Variants in CAMTA2 observed in about 807,000 individuals in gnomAD.
CAMTA2 encodes calmodulin-binding transcription activator 2.
In CAMTA2, 56 loss-of-function variants were observed where a neutral mutation model predicts 135.7. The ratio of observed to expected loss-of-function variants is 0.41; its 90% CI spans 0.33 to 0.52. The LOEUF (loss-of-function observed/expected upper bound fraction) is 0.52, where lower values mean the gene tolerates loss of function less well. CAMTA2 is among the 20% of genes least tolerant of loss of function. The pLI, the probability that CAMTA2 is intolerant of heterozygous loss-of-function variation, is 0.16. For missense variants in CAMTA2, 1,358 were observed against 1,553.4 expected (o/e 0.87, Z 2.11); for synonymous variants, 591 against 604.6 (o/e 0.98, Z 0.33).
chr17:4,975,996 A>G (rs1972590286), intron 11 of CAMTA2, among the ~76,000 whole-genome samples: 1 of 152,218 alleles, frequency 6.6e-6, no homozygotes, highest in Non-Finnish European at 1.5e-5. Flanking sequence ...GAGAAGTAGT[A>G]GTATAGGAAA....
At position 4,969,784 on chromosome 17, in the gene CAMTA2, T is replaced by C; in HGVS notation, c.3190-83A>G. Reference sequence around the variant, plus strand: ...CCCTTCAACTTTCCTGGGGTTCCCCTGACCCTTTACCCCATCCAAGGCCTG... The same window carrying C: ...CCCTTCAACTTTCCTGGGGTTCCCCCGACCCTTTACCCCATCCAAGGCCTG... On this transcript the variant is annotated intron_variant, in intron 18 of 22. Transcript: ENST00000348066. This position sits in a 1 kb window ranked among gnomAD's most constrained non-coding sequence, Gnocchi z 5.6. The C allele has an allele frequency of 6.3e-7, 1 of 1,596,288 alleles. No individual in the cohort carries two copies. The highest frequency in any genetic ancestry group is 2.2e-5 in the East Asian group (1 of 44,760).
At position 4,977,125 on chromosome 17, in the gene CAMTA2, G is replaced by A. The variant is rs1157841726; in HGVS notation, c.1833C>T (p.Leu611=). 1.2e-6 allele frequency: 2 copies of A among 1,614,096 alleles called. No homozygotes were observed. The highest frequency in any genetic ancestry group is 1.7e-5 in the Admixed American group (1 of 60,020). ...GGAATCGGCGGGCTCGATACTCAAA[G>A]AGCACAGAAGCAGAAAGGGGCCCCT... ...GREGPLSASV[L]FEYRARRFLS... The change falls in exon 11 of 23, where the codon CTC becomes CTT. Residue 611 remains leucine (L), a synonymous_variant. Transcript: ENST00000348066.
rs923868313 is a variant in CAMTA2, at chr17:4,972,591, C to G, written c.2504-55G>C. 7.1e-6 allele frequency: 11 copies of G among 1,554,816 alleles called. No homozygotes were observed. In the Admixed American group the frequency reaches 1.7e-4, roughly 23 times the overall value. On this transcript the variant is annotated intron_variant, in intron 15 of 22. Transcript: ENST00000348066. ...GCCGGAGCCACGGCCATCCCTCGCT[C>G]AAGTCTCCTGCCTTCCCCATCCTGT...
Position 4,986,711 on chromosome 17 carries a change from G to T in CAMTA2, c.-64-425C>A. 3 of 553,882 alleles carry T rather than the reference G, an allele frequency of 5.4e-6. No homozygotes were observed. The South Asian group carries it at 6.6e-5, about 12-fold the overall frequency. The allele number at this position is 553,882 out of a possible 1,614,324, so 34.3% of individuals were successfully genotyped here. A position where few individuals can be genotyped will look rare whatever the true frequency, so the allele number is the denominator to read the frequency against. On this transcript the variant is annotated intron_variant, in intron 1 of 22. Coordinates refer to ENST00000348066, the MANE Select transcript of CAMTA2 (RefSeq NM_015099.4). ...GCAGGAGATTCTACCTCCGGTAGAA[G>T]CTAGGCCTTTAGAAGACACGCCCTG...
Position 4,968,480 on chromosome 17 carries a change from A to G in CAMTA2, c.*276T>C, listed in dbSNP as rs1225240824. The G allele has an allele frequency of 1.8e-6, 1 of 559,860 alleles. No individual in the cohort carries two copies. Among genetic ancestry groups the G allele is most frequent in the Non-Finnish European group, 3.2e-6 (1 of 312,440 alleles). 34.7% of individuals were successfully genotyped at this position (559,860 alleles called of 1,614,324 possible). A position where few individuals can be genotyped will look rare whatever the true frequency, so the allele number is the denominator to read the frequency against. ...GTGCAGGCAGGAGGAGCTGGGGAGC[A>G]GGGGCAGGCAGGGCTCCGGAGGTCA... On this transcript the variant is annotated 3_prime_UTR_variant, in exon 23 of 23. Coordinates refer to ENST00000348066, the MANE Select transcript of CAMTA2 (RefSeq NM_015099.4).
At chr17:4,986,956 C>T in intron 1 of CAMTA2, 1 of 1,515,118 alleles carries the variant, frequency 6.6e-7, no homozygotes, top group Non-Finnish European at 8.8e-7. Flanking sequence ...TAGCCTACCC[C>T]ATCTACCGCT....
rs760413866 is a variant in CAMTA2 at position 4,986,277 on chromosome 17, G to A, written c.-55C>T. On this transcript the variant is annotated 5_prime_UTR_variant, in exon 2 of 23. Transcript: ENST00000348066. ...CCGGCCTGAGGGGCCGGGGGGAGGG[G>A]GAGTCTGTGCTGGGAAGGGAGAGAA... 2.7e-5 allele frequency: 39 copies of A among 1,444,760 alleles called. No individual in the cohort carries two copies. Among genetic ancestry groups the A allele is most frequent in the African/African-American group, 1.8e-4 (13 of 70,496 alleles). The allele number at this position is 1,444,760 out of a possible 1,614,324, so 89.5% of individuals were successfully genotyped here.
Position 4,968,431 on chromosome 17 carries a change from C to T in CAMTA2, c.*325G>A, listed in dbSNP as rs1972042227. 2.1e-6 allele frequency: 1 copy of T among 477,852 alleles called. No homozygotes were observed. Among genetic ancestry groups the T allele is most frequent in the Non-Finnish European group, 3.8e-6 (1 of 264,808 alleles). The allele number at this position is 477,852 out of a possible 1,614,324, so 29.6% of individuals were successfully genotyped here. On this transcript the variant is annotated 3_prime_UTR_variant, in exon 23 of 23. Coordinates refer to ENST00000348066, the MANE Select transcript of CAMTA2 (RefSeq NM_015099.4). ...AGACGCGTCGAACAAATAAATAAGG[C>T]AAGTCAGGAGGGGGCCGAGTCGGGT...
chr17:4,970,690 G>A (rs1320377403), intron 16 of CAMTA2, among the ~76,000 whole-genome samples, 154 bp from the exon 17 acceptor site: 1 of 152,136 alleles, frequency 6.6e-6, no homozygotes, highest in Non-Finnish European at 1.5e-5. Context: ...TATACTGATG[G>A]GGCTCCCACT....
chr17:4,971,368 T>C (rs981841726), intron 16 of CAMTA2, among the ~76,000 whole-genome samples: 5 of 152,190 alleles, frequency 3.3e-5, no homozygotes, highest in Non-Finnish European at 5.9e-5. Flanking sequence ...ATTTTTGTTA[T>C]AGAGACAGGG....
chr17:4,969,563 G>A lies in CAMTA2; in HGVS notation c.3262-43C>T. ...GGAGTTAGGGCTCTGGCAACATTCT[G>A]GAATGGTTAGGCGTGGGTGTGGGTT... On this transcript the variant is annotated intron_variant, in intron 19 of 22. Transcript: ENST00000348066. This position sits in a 1 kb window ranked among gnomAD's most constrained non-coding sequence, Gnocchi z 5.6. 2 of 1,614,028 alleles carry A rather than the reference G, an allele frequency of 1.2e-6. No individual in the cohort carries two copies. Among genetic ancestry groups the A allele is most frequent in the Non-Finnish European group, 1.7e-6 (2 of 1,179,886 alleles).
Position 4,970,497 on chromosome 17 carries a change from T to C in CAMTA2, c.2848A>G (p.Thr950Ala). Residue 950 changes from threonine (T) to alanine (A), a missense_variant, in exon 17 of 23, where the codon ACA (threonine) becomes GCA (alanine). Thr to Ala is a moderately conservative substitution (Grantham distance 58, BLOSUM62 0). Transcript: ENST00000348066. ...ISLAKQIIEATPERIKREDFV... is the reference protein window; with the variant it reads ...ISLAKQIIEAAPERIKREDFV... ...TCCTCTCGTTTAATCCGCTCCGGTG[T>C]GGCTTCGATGATCTGCTTGGCTAGT... 1.2e-6 allele frequency: 2 copies of C among 1,613,490 alleles called. No homozygotes were observed. Among genetic ancestry groups the C allele is most frequent in the Non-Finnish European group, 8.5e-7 (1 of 1,180,018 alleles).
In CAMTA2 at chr17:4,973,196, A is replaced by G. The variant is rs895444209; in HGVS notation, c.2259T>C (p.Asp753=). Residue 753 remains aspartate (D), a synonymous_variant, in exon 14 of 23, where the codon GAT becomes GAC. Transcript: ENST00000348066. ...TCACCAGAGGGGTGCAAGAGAAATG[A>G]TCCACGTTGAGCGGGTCAACCTCCT... ...LEQEVDPLNV[D]HFSCTPLMWA... is the part of the protein sequence containing the mutation. 1 of 1,613,748 alleles carries G rather than the reference A, an allele frequency of 6.2e-7. No individual in the cohort carries two copies.
intron 3 of CAMTA2, 72 bp downstream of exon 3, chr17:4,985,808 A>G: frequency 2.2e-6 from 2 of 914,086 alleles, no homozygotes; most frequent in Non-Finnish European, 3.7e-6. Flanking sequence ...CAGACACGGA[A>G]AGACCCCCCA....
At chr17:4,978,723 A>G (rs1972779392) in intron 9 of CAMTA2, 93 bp from the exon 10 acceptor site, 1 of 1,424,962 alleles carries the variant, frequency 7.0e-7, no homozygotes, top group African/African-American at 1.4e-5. Flanking sequence ...TATCTACTAT[A>G]TGGCAGGTCC....
chr17:4,983,408 G>A lies in CAMTA2; in HGVS notation c.136-365C>T, dbSNP rs550248101. Among the ~76,000 whole-genome samples the A allele has an allele frequency of 1.2e-3, 182 of 151,632 alleles. 1 individual carries two copies. Among genetic ancestry groups the A allele is most frequent in the African/African-American group, 3.0e-3 (123 of 41,284 alleles). ...AGCAATTCTCCTGCCTCAGCCTCCCGGGTAGCTGGGATTACAGGCATGCGC... is the reference window on the plus strand; with the variant it reads ...AGCAATTCTCCTGCCTCAGCCTCCCAGGTAGCTGGGATTACAGGCATGCGC... On this transcript the variant is annotated intron_variant, in intron 3 of 22. Transcript: ENST00000348066.
At position 4,980,628 on chromosome 17, in the gene CAMTA2, TGGAGAGGAGTAGGAG is replaced by T; in HGVS notation, c.701-22_701-8del. 1.2e-6 allele frequency: 2 copies of T among 1,610,262 alleles called. No homozygotes were observed. The highest frequency in any genetic ancestry group is 1.1e-5 in the South Asian group (1 of 90,942). On this transcript the variant is annotated splice_polypyrimidine_tract_variant and splice_region_variant and intron_variant, in intron 8 of 22. Coordinates refer to ENST00000348066, the MANE Select transcript of CAMTA2 (RefSeq NM_015099.4). This position sits in a 1 kb window ranked among gnomAD's most constrained non-coding sequence, Gnocchi z 5.3. ...TGGGTAAGGCTCCCAGAACCTGGAG[TGGAGAGGAGTAGGAG>T]GGAGAGGAGATAAGACACATCATTC...
rs1246358844 is a variant in CAMTA2, at chr17:4,970,245, A to G, written c.3005+95T>C. On this transcript the variant is annotated intron_variant, in intron 17 of 22. Transcript: ENST00000348066. ...CGCTTCTCCAAGGCCCTGGGGCCTC[A>G]GCCAGAATGGAGCTTTGGCTGTGGG... 5.4e-6 allele frequency: 8 copies of G among 1,488,168 alleles called. No homozygotes were observed. The Admixed American group carries it at 1.4e-4, about 26-fold the overall frequency. The allele number at this position is 1,488,168 out of a possible 1,614,324, so 92.2% of individuals were successfully genotyped here. A position where few individuals can be genotyped will look rare whatever the true frequency, so the allele number is the denominator to read the frequency against.
Position 4,972,207 on chromosome 17 carries a change from A to G in CAMTA2, c.2808+25T>C, listed in dbSNP as rs369227179. 7 of 1,595,320 alleles carry G rather than the reference A, an allele frequency of 4.4e-6. No individual in the cohort carries two copies. In the Admixed American group the frequency reaches 5.2e-5, roughly 12 times the overall value. On this transcript the variant is annotated intron_variant, in intron 16 of 22. Transcript: ENST00000348066. ...CCTTCCTACTCCACTTCTAGCCCCC[A>G]TAACTCCATCAATATAAGCAGTACC...
Sources: allele counts gnomAD v4.1 joint callset (sites outside exome capture counted in the v4.1 genomes callset), GRCh38; gene constraint gnomAD v4.1.1; non-coding constraint Gnocchi (gnomAD v3.1); transcripts MANE v1.5; gene names NCBI Gene and HGNC (gene_info 2026-07-23, HGNC 2026-07-21).